The following MCPH1 variants were observed in gnomAD, a reference collection of about 807,000 sequenced individuals.
MCPH1 encodes microcephalin 1, also known as microcephalin.
Under a neutral mutation model 84.5 loss-of-function variants are expected in MCPH1, and 104 were observed. The ratio of observed to expected loss-of-function variants is 1.23; its 90% CI spans 1.05 to 1.45. MCPH1 has a LOEUF of 1.45. Among genes scored for constraint, MCPH1 ranks in the 40% most tolerant of loss-of-function variants. The probability of loss-of-function intolerance (pLI) is 0.00; values close to 1 mark genes in which losing one functional copy is unlikely to be tolerated. For synonymous variants in MCPH1, 514 were observed against 366.8 expected (o/e 1.40, Z -4.58); for missense variants, 1,498 against 1,005.7 (o/e 1.49, Z -6.62).
Position 6,413,014 on chromosome 8 carries a change from A to C in MCPH1, c.115-1751A>C, listed in dbSNP as rs555373398. Among the ~76,000 whole-genome samples, 3 of 152,318 alleles carry C rather than the reference A, an allele frequency of 2.0e-5. No individual in the cohort carries two copies. The East Asian group carries it at 5.8e-4, about 29-fold the overall frequency. Reference sequence around the variant, plus strand: ...GGTATTTACCTTCATATTTCCAAGCATTGTACATATATTACTTCAGTATAA... The same window carrying C: ...GGTATTTACCTTCATATTTCCAAGCCTTGTACATATATTACTTCAGTATAA... On this transcript the variant is annotated intron_variant, in intron 2 of 13. Transcript: ENST00000344683.
chr8:6,581,320 T>G (rs780622639), intron 12 of MCPH1, among the ~76,000 whole-genome samples: 16 of 152,216 alleles, frequency 1.1e-4, no homozygotes, highest in Non-Finnish European at 1.9e-4. Context: ...CACACAGAAT[T>G]GCAACCTCCA....
At chr8:6,475,434 A>G (rs1808320020) in intron 9 of MCPH1, among the ~76,000 whole-genome samples, 1 of 152,174 alleles carries the variant, frequency 6.6e-6, no homozygotes. Context: ...TGACTGCCTG[A>G]CCATCGCTCT....
intron 6 of MCPH1, among the ~76,000 whole-genome samples, chr8:6,441,449 A>C (rs1461466471): frequency 6.6e-6 from 1 of 152,232 alleles, no homozygotes; most frequent in Non-Finnish European, 1.5e-5. Flanking sequence ...TCTCTAAAAA[A>C]TATCTTTGGA....
At chr8:6,510,864 A>G (rs1373359819) in intron 12 of MCPH1, among the ~76,000 whole-genome samples, 1 of 152,194 alleles carries the variant, frequency 6.6e-6, no homozygotes, top group Non-Finnish European at 1.5e-5. Context: ...CATGAACTGG[A>G]CATGTGAGTC....
chr8:6,462,185 C>T (rs901041392), intron 9 of MCPH1, among the ~76,000 whole-genome samples: 3 of 152,214 alleles, frequency 2.0e-5, no homozygotes, highest in African/African-American at 7.2e-5. Flanking sequence ...TAAAGAATTA[C>T]ACACCACATA....
intron 12 of MCPH1, among the ~76,000 whole-genome samples, chr8:6,553,640 A>T (rs1262376303): frequency 6.6e-6 from 1 of 152,032 alleles, no homozygotes; most frequent in Non-Finnish European, 1.5e-5. Context: ...GGGGCCAGAA[A>T]CAAAATCCCT....
At chr8:6,610,629 G>A (rs1830176021) in intron 12 of MCPH1, among the ~76,000 whole-genome samples, 1 of 152,050 alleles carries the variant, frequency 6.6e-6, no homozygotes, top group Non-Finnish European at 1.5e-5. Flanking sequence ...TTTCCCCCAT[G>A]ATGAAAAACT....
intron 8 of MCPH1, among the ~76,000 whole-genome samples, chr8:6,450,842 A>G (rs1805004563): frequency 6.6e-6 from 1 of 152,074 alleles, no homozygotes; most frequent in African/African-American, 2.4e-5. Context: ...TACTGGGCTC[A>G]AGTGATCCTC....
At chr8:6,573,617 T>G (rs1043310156) in intron 12 of MCPH1, among the ~76,000 whole-genome samples, 1 of 151,166 alleles carries the variant, frequency 6.6e-6, no homozygotes, top group Non-Finnish European at 1.5e-5. Flanking sequence ...CTGGCCAACT[T>G]AAGCCTACTT....
intron 9 of MCPH1, among the ~76,000 whole-genome samples, chr8:6,467,011 A>T (rs550891941): frequency 6.6e-6 from 1 of 152,344 alleles, no homozygotes; most frequent in East Asian, 1.9e-4. Context: ...ATTTGTTTTT[A>T]AAAAAGGGGA....
chr8:6,633,761 C>T (rs920931383), intron 13 of MCPH1, among the ~76,000 whole-genome samples: 12 of 152,152 alleles, frequency 7.9e-5, no homozygotes, highest in African/African-American at 2.9e-4. Context: ...CGATACCTCA[C>T]GTGGGGCCGA....
intron 13 of MCPH1, chr8:6,627,379 C>T (rs147138268): frequency 5.0e-5 from 41 of 816,698 alleles, no homozygotes; most frequent in Middle Eastern, 1.3e-3. Context: ...CCTCCAAGGA[C>T]GGCCTCATTT....
In MCPH1 at chr8:6,440,481, T is replaced by A. The variant is rs1018364000; in HGVS notation, c.580+1385T>A. 2.0e-5 allele frequency among the ~76,000 whole-genome samples: 3 copies of A among 152,336 alleles called. No individual in the cohort carries two copies. In the East Asian group the frequency reaches 5.8e-4, roughly 29 times the overall value. ...GGGCTCAAGTACTTCTGCCTCACCCTCTCAAGTAGCTAGGAATACAGGTGT... is the reference window on the plus strand; with the variant it reads ...GGGCTCAAGTACTTCTGCCTCACCCACTCAAGTAGCTAGGAATACAGGTGT... On this transcript the variant is annotated intron_variant, in intron 6 of 13. Coordinates refer to ENST00000344683, the MANE Select transcript of MCPH1 (RefSeq NM_024596.5).
chr8:6,594,008 C>T (rs1234815102), intron 12 of MCPH1, among the ~76,000 whole-genome samples: 1 of 152,196 alleles, frequency 6.6e-6, no homozygotes, highest in East Asian at 1.9e-4. Context: ...TCTCTTCTCT[C>T]CTATAACCTC....
chr8:6,627,014 G>C, intron 13 of MCPH1: 1 of 984,850 alleles, frequency 1.0e-6, no homozygotes, highest in Middle Eastern at 5.3e-4. Context: ...GCCTCCGCCT[G>C]ATTTTCTTAT....
intron 9 of MCPH1, among the ~76,000 whole-genome samples, chr8:6,461,325 C>CTTTTTT (rs11419705): frequency 7.2e-5 from 8 of 110,978 alleles, no homozygotes; most frequent in African/African-American, 2.6e-4. Flanking sequence ...TTTGTTGAGA[C>CTTTTTT]TTTTTTTTTT....
chr8:6,642,052 T>C (rs1488237121), intron 13 of MCPH1, among the ~76,000 whole-genome samples: 4 of 152,292 alleles, frequency 2.6e-5, no homozygotes, highest in East Asian at 3.9e-4. Context: ...TTTCTAAAAA[T>C]ATTTGTAGAT....
chr8:6,567,834 C>T (rs1459235707), intron 12 of MCPH1, among the ~76,000 whole-genome samples: 11 of 152,152 alleles, frequency 7.2e-5, no homozygotes, highest in South Asian at 2.1e-4. Flanking sequence ...GCTGTACTGA[C>T]GGGACCACAA....
chr8:6,587,046 C>T (rs17077621), intron 12 of MCPH1, among the ~76,000 whole-genome samples: 30,156 of 151,668 alleles, frequency 0.2, 3,129 homozygotes, highest in South Asian at 0.31. Context: ...CGCTAGGGAC[C>T]TCTGCTTCCA....
Sources: gnomAD v4.1 joint callset for allele counts (sites outside exome capture counted in the v4.1 genomes callset) on GRCh38, gnomAD v4.1.1 for gene constraint, MANE v1.5 for transcripts, NCBI Gene and HGNC (gene_info 2026-07-23, HGNC 2026-07-21) for gene names.